The following PCMT1 variants were observed in gnomAD, a reference collection of about 807,000 sequenced individuals.
PCMT1 encodes protein-L-isoaspartate(D-aspartate) O-methyltransferase.
Under a neutral mutation model 29.2 loss-of-function variants are expected in PCMT1, and 9 were observed. The ratio of observed to expected loss-of-function variants is 0.31; its 90% CI spans 0.19 to 0.54. The LOEUF is 0.54. PCMT1 is among the 20% of genes least tolerant of loss of function. The pLI is 0.95. For synonymous variants in PCMT1, 98 were observed against 97.5 expected, an observed-to-expected ratio of 1.00 and a Z score of -0.03; for missense variants, 184 against 282.2, an observed-to-expected ratio of 0.65 and a Z score of 2.49.
chr6:149,756,741 T>C (rs904052499), intron 1 of PCMT1, among the ~76,000 whole-genome samples: 2 of 151,728 alleles, frequency 1.3e-5, no homozygotes, highest in Non-Finnish European at 2.9e-5. Flanking sequence ...TCCTAAGAAA[T>C]TGGAGCCTCA....
chr6:149,801,390 T>C (rs1583057816), intron 6 of PCMT1, among the ~76,000 whole-genome samples: 1 of 152,222 alleles, frequency 6.6e-6, no homozygotes, highest in South Asian at 2.1e-4. Context: ...TTCAGAGTTT[T>C]GGATTTTGGA....
At chr6:149,774,130 C>G (rs1180795699) in intron 3 of PCMT1, among the ~76,000 whole-genome samples, 1 of 152,136 alleles carries the variant, frequency 6.6e-6, no homozygotes, top group Non-Finnish European at 1.5e-5. Flanking sequence ...GCTAGGATTA[C>G]AGGCATGAGC....
chr6:149,753,267 G>T (rs1386013483), intron 1 of PCMT1, among the ~76,000 whole-genome samples: 4 of 151,826 alleles, frequency 2.6e-5, no homozygotes, highest in Admixed American at 2.6e-4. Flanking sequence ...ATATAAAAAT[G>T]TGATTGTGTT....
intron 1 of PCMT1, among the ~76,000 whole-genome samples, chr6:149,762,529 C>A (rs112627872): frequency 6.6e-5 from 4 of 61,004 alleles, no homozygotes; most frequent in South Asian, 1.2e-3. Flanking sequence ...ATATATATAT[C>A]TATGATATAT....
At chr6:149,750,284 C>T (rs922993066) in intron 1 of PCMT1, 12 of 343,128 alleles carry the variant, frequency 3.5e-5, no homozygotes, top group East Asian at 5.2e-5. Context: ...CCGGGTCCGG[C>T]TTGTGAGGGG....
intron 3 of PCMT1, among the ~76,000 whole-genome samples, chr6:149,784,384 T>C (rs72995513): frequency 6.6e-6 from 1 of 152,130 alleles, no homozygotes; most frequent in Admixed American, 6.6e-5. Context: ...TCCAGTACCA[T>C]ATATACAAAT....
At chr6:149,781,199 T>G (rs1787798895) in intron 3 of PCMT1, among the ~76,000 whole-genome samples, 1 of 39,436 alleles carries the variant, frequency 2.5e-5, no homozygotes, top group Non-Finnish European at 3.6e-5. Flanking sequence ...TGTTTTTTTT[T>G]TTTTGTTTTT....
intron 3 of PCMT1, among the ~76,000 whole-genome samples, chr6:149,781,175 T>G (rs1478553884): frequency 6.7e-6 from 1 of 148,852 alleles, no homozygotes; most frequent in Non-Finnish European, 1.5e-5. Flanking sequence ...TTATTCAGTC[T>G]CTTACCCCTT....
intron 1 of PCMT1, among the ~76,000 whole-genome samples, chr6:149,759,697 A>C (rs1484595459): frequency 6.6e-6 from 1 of 151,624 alleles, no homozygotes; most frequent in East Asian, 2.0e-4. Flanking sequence ...GTTTCACCAT[A>C]TTGGCCAGGC....
intron 1 of PCMT1, among the ~76,000 whole-genome samples, chr6:149,750,545 G>A (rs1264976839): frequency 6.6e-6 from 1 of 152,128 alleles, no homozygotes; most frequent in Non-Finnish European, 1.5e-5. Flanking sequence ...AAATTTCTCG[G>A]GCGGCTGTCC....
At chr6:149,797,259 A>G (rs916173451) in intron 6 of PCMT1, 5 of 152,246 alleles carry the variant, frequency 3.3e-5, no homozygotes, top group African/African-American at 1.2e-4. Flanking sequence ...AATTAGCGAT[A>G]TGATAACATA....
intron 1 of PCMT1, among the ~76,000 whole-genome samples, chr6:149,764,859 G>A (rs1289844460): frequency 6.6e-6 from 1 of 151,832 alleles, no homozygotes; most frequent in East Asian, 1.9e-4. Context: ...GGCTAACACA[G>A]TGAAACCCCG....
At chr6:149,750,410 C>G (rs1358151812) in intron 1 of PCMT1, 1 of 160,530 alleles carries the variant, frequency 6.2e-6, no homozygotes, top group African/African-American at 2.4e-5. Context: ...TAATCAACCT[C>G]GCTGCAAGCT....
intron 4 of PCMT1, among the ~76,000 whole-genome samples, chr6:149,792,377 G>C (rs575507736): frequency 4.6e-4 from 70 of 152,204 alleles, no homozygotes; most frequent in African/African-American, 1.6e-3. Context: ...ATGACACTTA[G>C]ACAAGAACCC....
intron 6 of PCMT1, 113 bp from the exon 7 acceptor site, chr6:149,802,087 T>C (rs1256361752): frequency 1.6e-6 from 1 of 644,388 alleles, no homozygotes. Context: ...TGAGATCGTG[T>C]CATTGCACTC....
intron 1 of PCMT1, among the ~76,000 whole-genome samples, chr6:149,763,897 A>G (rs1267145549): frequency 6.6e-6 from 1 of 152,210 alleles, no homozygotes; most frequent in Non-Finnish European, 1.5e-5. Context: ...GAATAACACT[A>G]AGAGTGTCAT....
chr6:149,763,648 AC>A (rs1786955601), intron 1 of PCMT1, among the ~76,000 whole-genome samples: 1 of 152,166 alleles, frequency 6.6e-6, no homozygotes, highest in Admixed American at 6.6e-5. Context: ...TCTTTAATTT[AC>A]TTTGATTTTT....
intron 3 of PCMT1, among the ~76,000 whole-genome samples, chr6:149,782,244 A>G (rs1787844528): frequency 1.3e-5 from 2 of 152,176 alleles, no homozygotes; most frequent in Non-Finnish European, 2.9e-5. Context: ...AATATTTTTA[A>G]TTGTATTATA....
intron 7 of PCMT1, among the ~76,000 whole-genome samples, chr6:149,807,353 G>C (rs1003728309): frequency 1.3e-5 from 2 of 151,700 alleles, no homozygotes; most frequent in Non-Finnish European, 2.9e-5. Flanking sequence ...TAATCTTCTG[G>C]TAAAAGTTTT....
Sources: gnomAD v4.1 joint callset for allele counts (sites outside exome capture counted in the v4.1 genomes callset) on GRCh38, gnomAD v4.1.1 for gene constraint, MANE v1.5 for transcripts, NCBI Gene and HGNC (gene_info 2026-07-23, HGNC 2026-07-21) for gene names.